SSH2: variants seen among roughly 807,000 people sequenced by gnomAD.
The protein encoded by SSH2 is protein phosphatase Slingshot homolog 2.
Under a neutral mutation model 135.2 loss-of-function variants are expected in SSH2, and 37 were observed. The ratio of observed to expected loss-of-function variants is 0.27; its 90% CI spans 0.21 to 0.36. The LOEUF is 0.36. Ranked by LOEUF, SSH2 falls within the 10% of genes least tolerant of loss-of-function variation. SSH2 has a pLI of 1.00. For missense variants in SSH2, 1,408 were observed against 1,765.3 expected, an observed-to-expected ratio of 0.80 and a Z score of 3.63; for synonymous variants, 628 against 646.2, an observed-to-expected ratio of 0.97 and a Z score of 0.43.
chr17:29,743,996 A>G (rs1360800886), intron 3 of SSH2, among the ~76,000 whole-genome samples: 1 of 141,066 alleles, frequency 7.1e-6, no homozygotes, highest in African/African-American at 2.7e-5. Context: ...GGAGAATCCT[A>G]TCATAAAGGA....
intron 3 of SSH2, among the ~76,000 whole-genome samples, chr17:29,790,313 CTCTT>C (rs1310871714): frequency 3.3e-5 from 5 of 152,140 alleles, no homozygotes; most frequent in Admixed American, 3.3e-4. Flanking sequence ...AACGTGCTCT[CTCTT>C]TCTTTCTCCC....
chr17:29,812,833 G>C (rs921208086), intron 2 of SSH2, among the ~76,000 whole-genome samples: 6 of 151,794 alleles, frequency 4.0e-5, no homozygotes, highest in African/African-American at 1.2e-4. Context: ...AGCTTGCAGT[G>C]AGCCGGGATC....
intron 13 of SSH2, 147 bp from the exon 14 acceptor site, chr17:29,648,491 A>G (rs1400369930): frequency 3.2e-6 from 2 of 621,518 alleles, no homozygotes; most frequent in Non-Finnish European, 5.5e-6. Context: ...ACTCATATAC[A>G]TTTATAATCA....
intron 2 of SSH2, 113 bp downstream of exon 2, chr17:29,848,736 G>T (rs1017964154): frequency 4.6e-6 from 3 of 655,068 alleles, no homozygotes; most frequent in African/African-American, 1.8e-5. Context: ...GGCTGAATGG[G>T]GTCAAATAGA....
At chr17:29,653,173 G>T (rs1275857342) in intron 12 of SSH2, among the ~76,000 whole-genome samples, 1 of 152,064 alleles carries the variant, frequency 6.6e-6, no homozygotes, top group Non-Finnish European at 1.5e-5. Flanking sequence ...ATTTTACTTT[G>T]GGTAAGGTTC....
In SSH2 at chr17:29,758,045, T is replaced by TCAAAA. The variant is rs377669909; in HGVS notation, c.188+35844_188+35848dup. The stretch of plus-strand genomic sequence containing the variant: ...CTGAGTGACAGAGCAAGGGCCTGTC[T>TCAAAA]CAAAACAAAACAAAACAAAACAAGA... On this transcript the variant is annotated intron_variant, in intron 3 of 15. Coordinates refer to ENST00000540801, the MANE Select transcript of SSH2 (RefSeq NM_001282129.2). Among the ~76,000 whole-genome samples the TCAAAA allele has an allele frequency of 8.7e-3, 1,323 of 151,698 alleles. 20 individuals carry two copies. The highest frequency in any genetic ancestry group is 0.027 in the African/African-American group (1,102 of 41,338).
chr17:29,807,318 A>AG (rs1409688874), intron 2 of SSH2, among the ~76,000 whole-genome samples: 1 of 152,242 alleles, frequency 6.6e-6, no homozygotes, highest in African/African-American at 2.4e-5. Context: ...AGTTTTCATT[A>AG]GGGGGAAATG....
chr17:29,837,647 A>G (rs937959559), intron 2 of SSH2, among the ~76,000 whole-genome samples: 4 of 152,160 alleles, frequency 2.6e-5, no homozygotes, highest in Non-Finnish European at 5.9e-5. Flanking sequence ...TGTGGCCTCA[A>G]TCTTGCTCCC....
chr17:29,855,349 C>CA (rs2065643647), intron 1 of SSH2, among the ~76,000 whole-genome samples: 2 of 151,810 alleles, frequency 1.3e-5, no homozygotes, highest in African/African-American at 2.4e-5. Context: ...ACTAAAAATA[C>CA]AAAAAATTAG....
intron 5 of SSH2, among the ~76,000 whole-genome samples, chr17:29,685,738 GAGA>G (rs368658689): frequency 0.015 from 2,045 of 138,198 alleles, 45 homozygotes; most frequent in African/African-American, 0.062. Context: ...GCAGTGAGCT[GAGA>G]TCACCCCACT....
Position 29,821,388 on chromosome 17 carries a change from A to G in SSH2, c.145-27451T>C, listed in dbSNP as rs375366216. On this transcript the variant is annotated intron_variant, in intron 2 of 15. Coordinates refer to ENST00000540801, the MANE Select transcript of SSH2 (RefSeq NM_001282129.2). ...TGCCTCTGCCTCCCAAGTAGCTGGGACTCCAGGCATATGCCATCACACCCA... is the reference window on the plus strand; with the variant it reads ...TGCCTCTGCCTCCCAAGTAGCTGGGGCTCCAGGCATATGCCATCACACCCA... Among the ~76,000 whole-genome samples the G allele has an allele frequency of 1.3e-4, 20 of 151,868 alleles. No homozygotes were observed. The South Asian group carries it at 2.3e-3, about 17-fold the overall frequency.
chr17:29,660,702 T>G (rs113304145), intron 11 of SSH2, among the ~76,000 whole-genome samples: 8 of 152,126 alleles, frequency 5.3e-5, no homozygotes, highest in South Asian at 2.1e-4. Context: ...CTCTCATAAA[T>G]CCTCCTGCAG....
intron 5 of SSH2, among the ~76,000 whole-genome samples, chr17:29,694,106 T>A (rs948405228): frequency 4.6e-5 from 7 of 152,116 alleles, no homozygotes; most frequent in African/African-American, 7.2e-5. Flanking sequence ...TTTTTTAAGC[T>A]CATCAGCTAT....
rs183163575 is a variant in SSH2 at position 29,876,154 on chromosome 17, C to T, written c.64-27225G>A. ...GAAAAACCCTAAAATTTATACAGAA[C>T]GATAAAAGACCCAGAATAGCCAAAG... On this transcript the variant is annotated intron_variant, in intron 1 of 15. Transcript: ENST00000540801. Among the ~76,000 whole-genome samples the T allele has an allele frequency of 2.4e-3, 350 of 143,450 alleles. 2 individuals are homozygous for T. Among genetic ancestry groups the T allele is most frequent in the African/African-American group, 8.6e-3 (332 of 38,598 alleles). The allele number at this position is 143,450 out of a possible 152,430, so 94.1% of individuals were successfully genotyped here.
intron 14 of SSH2, among the ~76,000 whole-genome samples, chr17:29,640,463 C>T (rs560199069): frequency 2.6e-5 from 4 of 152,196 alleles, no homozygotes; most frequent in Non-Finnish European, 5.9e-5. Flanking sequence ...TAGGCAGCAA[C>T]AGTGCATGTT....
intron 3 of SSH2, among the ~76,000 whole-genome samples, chr17:29,743,669 A>AG (rs1380424089): frequency 6.6e-6 from 1 of 152,200 alleles, no homozygotes; most frequent in Admixed American, 6.5e-5. Flanking sequence ...AGCACTTCCA[A>AG]GGGGAAACAA....
At chr17:29,726,909 T>C (rs2040019753) in intron 3 of SSH2, among the ~76,000 whole-genome samples, 1 of 152,212 alleles carries the variant, frequency 6.6e-6, no homozygotes, top group South Asian at 2.1e-4. Context: ...AAGTTACACT[T>C]GTGAATCCTC....
At chr17:29,875,514 A>C (rs994068081) in intron 1 of SSH2, among the ~76,000 whole-genome samples, 6 of 152,112 alleles carry the variant, frequency 3.9e-5, no homozygotes, top group African/African-American at 1.4e-4. Flanking sequence ...ATCCAAAGCC[A>C]TCTTTTGAAA....
intron 3 of SSH2, chr17:29,776,572 G>A (rs1427996390): frequency 6.6e-6 from 1 of 152,234 alleles, no homozygotes; most frequent in South Asian, 2.1e-4. Flanking sequence ...GCTTTGTAAA[G>A]TTGACTTCAG....
Sources: allele counts gnomAD v4.1 joint callset (sites outside exome capture counted in the v4.1 genomes callset), GRCh38; gene constraint gnomAD v4.1.1; transcripts MANE v1.5; gene names NCBI Gene and HGNC (gene_info 2026-07-23, HGNC 2026-07-21).